TEKT3: variants seen among roughly 807,000 people sequenced by gnomAD.
The protein encoded by TEKT3 is tektin-3.
Under a neutral mutation model 49.8 loss-of-function variants are expected in TEKT3, and 49 were observed. The observed-to-expected ratio is 0.98, with a 90% CI of 0.78 to 1.25. The LOEUF (loss-of-function observed/expected upper bound fraction) is 1.25, where lower values mean the gene tolerates loss of function less well. Ranked by LOEUF, TEKT3 falls within the 50% of genes most tolerant of loss-of-function variation. TEKT3 has a pLI of 0.00. For missense variants in TEKT3, 595 were observed against 629.5 expected (o/e 0.95, Z 0.59); for synonymous variants, 225 against 237.2 (o/e 0.95, Z 0.47).
chr17:15,305,787 TAA>T (rs762284587), intron 8 of TEKT3, among the ~76,000 whole-genome samples: 23 of 126,546 alleles, frequency 1.8e-4, no homozygotes, highest in African/African-American at 2.3e-4. Context: ...ACATCAATGC[TAA>T]AAAAAAAAAA....
At chr17:15,305,463 T>A (rs531851526) in intron 8 of TEKT3, among the ~76,000 whole-genome samples, 93 of 152,334 alleles carry the variant, frequency 6.1e-4, no homozygotes, top group African/African-American at 2.2e-3. Flanking sequence ...AATTTCTTGT[T>A]ATTGTTTAGG....
intron 8 of TEKT3, among the ~76,000 whole-genome samples, chr17:15,306,644 A>T (rs1910563908): frequency 6.6e-6 from 1 of 151,994 alleles, no homozygotes; most frequent in South Asian, 2.1e-4. Context: ...AAGTCCTATT[A>T]GACCACTACC....
At position 15,303,983 on chromosome 17, in the gene TEKT3, T is replaced by C; in HGVS notation, c.1426A>G (p.Met476Val). The change falls in exon 9 of 9, where the codon ATG (methionine) becomes GTG (valine). Residue 476 changes from methionine to valine, a missense_variant. Physicochemically the swap from Met to Val is conservative, Grantham distance 21. Transcript: ENST00000395930. ...AGGGTGTTGGGGTAGCTCTTGCGCA[T>C]GCTCATGCATTTTTCCTGGTCGATG... ...LYIDQEKCMS[M>V]RKSYPNTLRL... is the part of the protein sequence containing the mutation. 6.2e-7 allele frequency: 1 copy of C among 1,614,156 alleles called. No homozygotes were observed. Among genetic ancestry groups the C allele is most frequent in the Admixed American group, 1.7e-5 (1 of 60,022 alleles).
chr17:15,327,979 C>T lies in TEKT3; in HGVS notation c.663+13G>A. 1 of 1,611,520 alleles carries T rather than the reference C, an allele frequency of 6.2e-7. No individual in the cohort carries two copies. Among genetic ancestry groups the T allele is most frequent in the East Asian group, 2.2e-5 (1 of 44,844 alleles). On this transcript the variant is annotated intron_variant, in intron 4 of 8. Transcript: ENST00000395930. ...TAAGCTGCCTGTGACTGATGCATTTCCCCCACATTTACCGTCAGCAGTTGT... is the reference window on the plus strand; with the variant it reads ...TAAGCTGCCTGTGACTGATGCATTTTCCCCACATTTACCGTCAGCAGTTGT...
chr17:15,321,374 A>C (rs1911249999), intron 4 of TEKT3, among the ~76,000 whole-genome samples: 1 of 152,190 alleles, frequency 6.6e-6, no homozygotes, highest in Non-Finnish European at 1.5e-5. Flanking sequence ...TTGGAGGCAG[A>C]AGGGTTCACA....
intron 3 of TEKT3, among the ~76,000 whole-genome samples, chr17:15,329,928 C>T (rs1597416716): frequency 6.6e-6 from 1 of 152,198 alleles, no homozygotes; most frequent in Admixed American, 6.5e-5. Flanking sequence ...CATCTTCAAA[C>T]ATGGAATGTC....
chr17:15,342,592 C>CA (rs1485347856), upstream of TEKT3, among the ~76,000 whole-genome samples: 1 of 152,200 alleles, frequency 6.6e-6, no homozygotes, highest in Non-Finnish European at 1.5e-5. Flanking sequence ...TTTGCCAATT[C>CA]AGACTCTTGG....
intron 3 of TEKT3, among the ~76,000 whole-genome samples, chr17:15,328,839 C>A (rs1380306235): frequency 6.6e-6 from 1 of 152,120 alleles, no homozygotes; most frequent in Admixed American, 6.5e-5. Context: ...AGTTAAAATG[C>A]TTTTCTCGAA....
intron 4 of TEKT3, among the ~76,000 whole-genome samples, chr17:15,323,149 C>T (rs1216179385): frequency 2.6e-5 from 4 of 152,180 alleles, no homozygotes; most frequent in Admixed American, 2.0e-4. Context: ...AGAGGAGAAC[C>T]GCCTTGGACT....
intron 4 of TEKT3, among the ~76,000 whole-genome samples, chr17:15,322,199 C>T (rs1490766738): frequency 6.6e-6 from 1 of 152,182 alleles, no homozygotes; most frequent in Non-Finnish European, 1.5e-5. Flanking sequence ...TGAAATCGCA[C>T]TTGTACCCCA....
chr17:15,325,821 T>C (rs1234419131), intron 4 of TEKT3, among the ~76,000 whole-genome samples: 2 of 152,162 alleles, frequency 1.3e-5, no homozygotes, highest in East Asian at 3.8e-4. Context: ...TCCTATCCAG[T>C]TAGGATGACA....
intron 3 of TEKT3, among the ~76,000 whole-genome samples, chr17:15,330,071 G>A (rs560150352): frequency 4.8e-4 from 73 of 152,136 alleles, no homozygotes; most frequent in African/African-American, 1.7e-3. Context: ...ACATTACTAT[G>A]GCAACTGGCC....
At chr17:15,328,580 C>G (rs910880250) in intron 3 of TEKT3, among the ~76,000 whole-genome samples, 8 of 152,232 alleles carry the variant, frequency 5.3e-5, no homozygotes, top group Admixed American at 2.0e-4. Context: ...TATGCCTTTA[C>G]TCACTAAAGA....
chr17:15,331,649 C>G (rs572596873), intron 2 of TEKT3, 35 bp from the exon 3 acceptor site: 1 of 1,461,964 alleles, frequency 6.8e-7, no homozygotes, highest in African/African-American at 1.4e-5. Flanking sequence ...AAGACAGTCA[C>G]ATAAAATAAT....
At position 15,318,724 on chromosome 17, in the gene TEKT3, G is replaced by A. The variant is rs1209039223; in HGVS notation, c.734+353C>T. ...GGCTAATTTGTATCTTTTATCTGTA[G>A]AGCAGAGGTCTCATTACATTGCCCA... On this transcript the variant is annotated intron_variant, in intron 5 of 8. Transcript: ENST00000395930. Among the ~76,000 whole-genome samples, 8 of 152,114 alleles carry A rather than the reference G, an allele frequency of 5.3e-5. No individual in the cohort carries two copies. The East Asian group carries it at 1.5e-3, about 29-fold the overall frequency.
intron 7 of TEKT3, among the ~76,000 whole-genome samples, chr17:15,311,709 G>C (rs1910778730): frequency 6.6e-6 from 1 of 152,068 alleles, no homozygotes; most frequent in Non-Finnish European, 1.5e-5. Context: ...AGAGCTCCAA[G>C]ACTGATATGA....
At chr17:15,328,573 G>A (rs1911584228) in intron 3 of TEKT3, among the ~76,000 whole-genome samples, 1 of 152,054 alleles carries the variant, frequency 6.6e-6, no homozygotes, top group Admixed American at 6.6e-5. Flanking sequence ...AAAATAATAT[G>A]CCTTTACTCA....
intron 7 of TEKT3, among the ~76,000 whole-genome samples, chr17:15,309,360 C>T (rs571412197): frequency 6.6e-6 from 1 of 152,332 alleles, no homozygotes; most frequent in Admixed American, 6.5e-5. Flanking sequence ...AGGTACCTCA[C>T]TTGCAATAGA....
At chr17:15,307,144 T>G (rs1910587074) in intron 8 of TEKT3, 1 of 152,220 alleles carries the variant, frequency 6.6e-6, no homozygotes, top group Admixed American at 6.5e-5. Context: ...ACGTAAGGTG[T>G]TTCATCATAA....
Sources: allele counts gnomAD v4.1 joint callset (sites outside exome capture counted in the v4.1 genomes callset), GRCh38; gene constraint gnomAD v4.1.1; transcripts MANE v1.5; gene names NCBI Gene and HGNC (gene_info 2026-07-23, HGNC 2026-07-21).